NF1: variants seen among roughly 807,000 people sequenced by gnomAD.
The protein encoded by NF1 is neurofibromin.
NF1 carries 122 observed loss-of-function variants against 325.7 expected under a neutral mutation model. The ratio of observed to expected loss-of-function variants is 0.37; its 90% CI spans 0.32 to 0.44. The LOEUF (loss-of-function observed/expected upper bound fraction) is 0.44. Ranked by LOEUF, NF1 falls within the 20% of genes least tolerant of loss-of-function variation. NF1 has a pLI of 1.00. For missense variants in NF1, 2,140 were observed against 3,415.4 expected (o/e 0.63, Z 9.31); for synonymous variants, 1,091 against 1,186.0 (o/e 0.92, Z 1.65).
chr17:31,275,373 G>A (rs2067986154), intron 36 of NF1, among the ~76,000 whole-genome samples: 1 of 152,114 alleles, frequency 6.6e-6, no homozygotes, highest in Non-Finnish European at 1.5e-5. Context: ...TATCACATAG[G>A]CATTGTGTCA....
chr17:31,214,046 A>G (rs1296860791), intron 12 of NF1, among the ~76,000 whole-genome samples: 1 of 152,142 alleles, frequency 6.6e-6, no homozygotes, highest in African/African-American at 2.4e-5. Flanking sequence ...AAATACTTGT[A>G]TGTATGTCTG....
intron 48 of NF1, among the ~76,000 whole-genome samples, chr17:31,343,438 A>G (rs1250170274): frequency 6.6e-6 from 1 of 151,998 alleles, no homozygotes; most frequent in Non-Finnish European, 1.5e-5. Flanking sequence ...CCAGCTACTT[A>G]GGAGGCATAG....
At chr17:31,264,269 G>A (rs994744108) in intron 35 of NF1, among the ~76,000 whole-genome samples, 3 of 151,982 alleles carry the variant, frequency 2.0e-5, no homozygotes, top group Non-Finnish European at 4.4e-5. Flanking sequence ...GAATTAGCCA[G>A]GTGTGGTGGT....
chr17:31,335,334 T>TTA (rs2069637817), intron 40 of NF1, among the ~76,000 whole-genome samples: 1 of 47,658 alleles, frequency 2.1e-5, no homozygotes, highest in African/African-American at 1.1e-4. Context: ...TAACTAGATT[T>TTA]TATATATATA....
intron 47 of NF1, 91 bp from the exon 48 acceptor site, chr17:31,342,918 C>G: frequency 6.8e-7 from 1 of 1,473,204 alleles, no homozygotes. Flanking sequence ...GATTACTTAT[C>G]TTGTCATACT....
intron 5 of NF1, among the ~76,000 whole-genome samples, chr17:31,170,789 A>C (rs994296731): frequency 8.5e-5 from 13 of 152,200 alleles, no homozygotes; most frequent in African/African-American, 3.1e-4. Flanking sequence ...TGTAAATCAG[A>C]TATCAATGAA....
rs1597830104 is a variant in NF1 at position 31,326,127 on chromosome 17, C to G, written c.5143C>G (p.Leu1715Val). The change falls in exon 37 of 58, where the codon CTG becomes GTG. Residue 1715 changes from leucine (L) to valine (V), a missense_variant. Physicochemically the swap from Leu to Val is conservative, Grantham distance 32. Around this residue, in one of 10 missense-constraint regions of NF1, gnomAD observed 147 missense variants for 186.7 expected, o/e 0.79. Transcript: ENST00000358273. The part of the protein sequence containing the change: ...RLVFIDCPGK[L>V]AEHIEHEQQK... ...TGTTTTCATAGACTGTCCTGGGAAA[C>G]TGGCTGAGCACATAGAGCATGAACA... The G allele has an allele frequency of 6.2e-7, 1 of 1,612,908 alleles. No individual in the cohort carries two copies. Among genetic ancestry groups the G allele is most frequent in the Non-Finnish European group, 8.5e-7 (1 of 1,179,256 alleles).
chr17:31,115,863 T>C (rs1352622171), intron 1 of NF1, among the ~76,000 whole-genome samples: 1 of 152,170 alleles, frequency 6.6e-6, no homozygotes, highest in Non-Finnish European at 1.5e-5. Flanking sequence ...CAAATTCTTG[T>C]CCCCTCCATG....
intron 1 of NF1, among the ~76,000 whole-genome samples, chr17:31,141,193 TCATATACACAGA>T (rs1233790073): frequency 2.0e-5 from 3 of 152,116 alleles, no homozygotes; most frequent in Non-Finnish European, 4.4e-5. Flanking sequence ...CTTATAAATC[TCATATACACAGA>T]TTTTTTTTTT....
Position 31,356,714 on chromosome 17 carries a change from T to A in NF1, c.7738+132T>A, listed in dbSNP as rs1290115962. ...GAAACGTTTGCCATTTCTCAAAAGA[T>A]AAACTCTACCATTCAAGACAGTTAT... On this transcript the variant is annotated intron_variant, in intron 52 of 57. Transcript: ENST00000358273. 7.6e-6 allele frequency: 10 copies of A among 1,315,786 alleles called. No individual in the cohort carries two copies. The Admixed American group carries it at 2.2e-4, about 29-fold the overall frequency. 81.5% of individuals were successfully genotyped at this position (1,315,786 alleles called of 1,614,324 possible). A position where few individuals can be genotyped will look rare whatever the true frequency, so the allele number is the denominator to read the frequency against.
chr17:31,296,395 A>C, intron 36 of NF1: 2 of 1,594,606 alleles, frequency 1.3e-6, no homozygotes, highest in Admixed American at 3.3e-5. Context: ...AGGCATCTGC[A>C]TGGGTCAGTT....
At chr17:31,335,185 C>G (rs2069614442) in intron 40 of NF1, among the ~76,000 whole-genome samples, 154 bp downstream of exon 40, 1 of 139,954 alleles carries the variant, frequency 7.1e-6, no homozygotes, top group Non-Finnish European at 1.5e-5. Context: ...TCACCCAGCT[C>G]TTCATCTGGT....
intron 31 of NF1, chr17:31,254,091 C>T (rs921928112): frequency 2.6e-5 from 4 of 151,142 alleles, no homozygotes; most frequent in Admixed American, 6.6e-5. Context: ...CATAGCGAGT[C>T]GTCTCTACAA....
intron 46 of NF1, among the ~76,000 whole-genome samples, chr17:31,339,172 A>G (rs559906896): frequency 7.9e-5 from 12 of 152,288 alleles, no homozygotes; most frequent in Non-Finnish European, 1.5e-4. Context: ...CATGGAGCTT[A>G]CTTTCTGGGG....
rs1051144156 is a variant in NF1 at position 31,120,223 on chromosome 17, G to A, written c.60+24854G>A. On this transcript the variant is annotated intron_variant, in intron 1 of 57. Transcript: ENST00000358273. ...GTAGTACAGCCATTTTCATGATATC[G>A]ATTCTTCCTATTCATGAGCATGGAA... Among the ~76,000 whole-genome samples the A allele has an allele frequency of 8.5e-5, 13 of 152,192 alleles. No individual in the cohort carries two copies. In the East Asian group the frequency reaches 1.7e-3, roughly 20 times the overall value.
At chr17:31,140,452 C>A (rs1008119098) in intron 1 of NF1, among the ~76,000 whole-genome samples, 1 of 152,152 alleles carries the variant, frequency 6.6e-6, no homozygotes, top group Non-Finnish European at 1.5e-5. Flanking sequence ...AATAGAAGAT[C>A]CCTAGCAAGT....
At chr17:31,181,314 GATA>G (rs1482089868) in intron 5 of NF1, 105 bp from the exon 6 acceptor site, 2 of 1,027,176 alleles carry the variant, frequency 1.9e-6, no homozygotes, top group African/African-American at 1.6e-5. Context: ...ATTGCTTACA[GATA>G]ATATTGGAGC....
chr17:31,131,241 C>T (rs1567803349), intron 1 of NF1, among the ~76,000 whole-genome samples: 1 of 152,208 alleles, frequency 6.6e-6, no homozygotes, highest in Non-Finnish European at 1.5e-5. Context: ...CTGCCCCTAC[C>T]ACTTCTCTAA....
At chr17:31,223,305 T>G (rs2066959013) in intron 15 of NF1, 139 bp from the exon 16 acceptor site, 1 of 995,596 alleles carries the variant, frequency 1.0e-6, no homozygotes, top group African/African-American at 1.6e-5. Flanking sequence ...CTTTGATAAC[T>G]GTTTCTCTAA....
Sources: allele counts gnomAD v4.1 joint callset (sites outside exome capture counted in the v4.1 genomes callset), GRCh38; gene constraint gnomAD v4.1.1; regional missense constraint gnomAD v4.1.1; transcripts MANE v1.5; gene names NCBI Gene and HGNC (gene_info 2026-07-23, HGNC 2026-07-21).